EXOC4: variants seen among roughly 807,000 people sequenced by gnomAD.
EXOC4 encodes SEC8-like 1.
Under a neutral mutation model 107.2 loss-of-function variants are expected in EXOC4, and 71 were observed. The ratio of observed to expected loss-of-function variants is 0.66; its 90% CI spans 0.55 to 0.81. The LOEUF (loss-of-function observed/expected upper bound fraction) is 0.81, where lower values mean the gene tolerates loss of function less well. Ranked by LOEUF, EXOC4 falls within the 30% of genes least tolerant of loss-of-function variation. The pLI, the probability that EXOC4 is intolerant of heterozygous loss-of-function variation, is 0.00. For missense variants in EXOC4, 1,108 were observed against 1,189.6 expected, an observed-to-expected ratio of 0.93 and a Z score of 1.01; for synonymous variants, 456 against 441.2, an observed-to-expected ratio of 1.03 and a Z score of -0.42.
At chr7:133,871,329 A>G (rs572709139) in intron 11 of EXOC4, among the ~76,000 whole-genome samples, 62 of 151,880 alleles carry the variant, frequency 4.1e-4, no homozygotes, top group Non-Finnish European at 1.2e-4. Context: ...ACCAAACACC[A>G]CAAACCAGGA....
At chr7:133,421,012 T>C (rs1191275227) in intron 7 of EXOC4, among the ~76,000 whole-genome samples, 1 of 151,688 alleles carries the variant, frequency 6.6e-6, no homozygotes, top group East Asian at 1.9e-4. Context: ...ATTTTGATGA[T>C]AGGGGTTGGT....
chr7:133,692,637 C>T (rs1449628281), intron 10 of EXOC4, among the ~76,000 whole-genome samples: 1 of 152,162 alleles, frequency 6.6e-6, no homozygotes, highest in East Asian at 1.9e-4. Context: ...TCTGGATTGC[C>T]AGTTGTGAGA....
At chr7:133,794,542 T>A (rs925262898) in intron 10 of EXOC4, among the ~76,000 whole-genome samples, 3 of 152,226 alleles carry the variant, frequency 2.0e-5, no homozygotes, top group African/African-American at 7.2e-5. Flanking sequence ...GAACTTTAGT[T>A]ACTAGGCTAT....
chr7:134,055,073 T>A (rs117941614), intron 17 of EXOC4, among the ~76,000 whole-genome samples: 7,143 of 152,278 alleles, frequency 0.047, 268 homozygotes, highest in Non-Finnish European at 0.066. Context: ...ACCTGCTGAT[T>A]TACATATGTT....
chr7:133,416,655 A>G (rs1797481485), intron 7 of EXOC4, among the ~76,000 whole-genome samples: 2 of 152,210 alleles, frequency 1.3e-5, no homozygotes, highest in Admixed American at 1.3e-4. Flanking sequence ...ATGATCGGTC[A>G]ATCTTAGTAT....
At chr7:133,770,002 A>G (rs1308620907) in intron 10 of EXOC4, among the ~76,000 whole-genome samples, 1 of 151,890 alleles carries the variant, frequency 6.6e-6, no homozygotes, top group East Asian at 1.9e-4. Flanking sequence ...CAAATTATGT[A>G]TTAGGAAAGA....
intron 11 of EXOC4, among the ~76,000 whole-genome samples, chr7:133,877,707 G>A (rs1270525911): frequency 6.6e-6 from 1 of 151,608 alleles, no homozygotes; most frequent in South Asian, 2.1e-4. Flanking sequence ...GTACTTGGCC[G>A]AAGGTTCTAC....
chr7:133,683,649 A>G (rs1794234498), intron 10 of EXOC4, among the ~76,000 whole-genome samples: 1 of 152,170 alleles, frequency 6.6e-6, no homozygotes, highest in Non-Finnish European at 1.5e-5. Context: ...CTAAAAATAA[A>G]ACAAGAAAAG....
chr7:133,396,424 G>T (rs1251370351), intron 7 of EXOC4: 1 of 152,166 alleles, frequency 6.6e-6, no homozygotes, highest in African/African-American at 2.4e-5. Flanking sequence ...GGTAAGCAGT[G>T]AACCAGGCTT....
chr7:133,527,859 G>A (rs983903516), intron 9 of EXOC4, among the ~76,000 whole-genome samples: 6 of 152,318 alleles, frequency 3.9e-5, no homozygotes, highest in African/African-American at 1.2e-4. Context: ...GTTTGTGTGT[G>A]AGAGTGTGAT....
At chr7:133,890,749 T>C in intron 11 of EXOC4, among the ~76,000 whole-genome samples, 1 of 27,290 alleles carries the variant, frequency 3.7e-5, no homozygotes, top group Non-Finnish European at 6.3e-5. Context: ...TGCGGCGTTA[T>C]TTCTGAGGGC....
intron 9 of EXOC4, among the ~76,000 whole-genome samples, chr7:133,615,988 A>G (rs1309162012): frequency 6.6e-6 from 1 of 152,128 alleles, no homozygotes; most frequent in Non-Finnish European, 1.5e-5. Context: ...ACTGTTTTTG[A>G]TCAGTCAAAC....
chr7:133,524,932 A>G (rs899936210), intron 9 of EXOC4, among the ~76,000 whole-genome samples: 11 of 152,194 alleles, frequency 7.2e-5, no homozygotes, highest in African/African-American at 2.7e-4. Context: ...TAGAGATCCA[A>G]GCATACCTGA....
chr7:134,014,351 C>T (rs558068206), intron 17 of EXOC4, among the ~76,000 whole-genome samples: 2 of 152,162 alleles, frequency 1.3e-5, no homozygotes, highest in African/African-American at 4.8e-5. Context: ...TGCAGTCAGC[C>T]GAGATCGTGC....
intron 10 of EXOC4, among the ~76,000 whole-genome samples, chr7:133,791,297 C>T (rs1429369152): frequency 6.6e-6 from 1 of 152,154 alleles, no homozygotes. Flanking sequence ...GATATGGCCA[C>T]AAAACTATGA....
At chr7:133,440,920 TTAA>T (rs1429444613) in intron 7 of EXOC4, among the ~76,000 whole-genome samples, 17 of 152,224 alleles carry the variant, frequency 1.1e-4, no homozygotes, top group South Asian at 1.0e-3. Flanking sequence ...CTTTACTTTC[TTAA>T]TAAAACTTGC....
At chr7:133,472,407 G>A (rs1301878370) in intron 7 of EXOC4, among the ~76,000 whole-genome samples, 1 of 152,192 alleles carries the variant, frequency 6.6e-6, no homozygotes, top group African/African-American at 2.4e-5. Flanking sequence ...CACAAAGGAT[G>A]TGGAAATGTA....
intron 7 of EXOC4, among the ~76,000 whole-genome samples, chr7:133,457,866 C>T (rs1325645660): frequency 6.6e-6 from 1 of 152,060 alleles, no homozygotes; most frequent in Non-Finnish European, 1.5e-5. Context: ...CATCATAGTA[C>T]AGTAGTAGGT....
At chr7:133,302,992 A>T (rs1004809601) in intron 3 of EXOC4, among the ~76,000 whole-genome samples, 1 of 152,190 alleles carries the variant, frequency 6.6e-6, no homozygotes, top group Non-Finnish European at 1.5e-5. Flanking sequence ...ATTTCTAGTA[A>T]ATCTCAAATC....
Sources: gnomAD v4.1 joint callset for allele counts (sites outside exome capture counted in the v4.1 genomes callset) on GRCh38, gnomAD v4.1.1 for gene constraint, MANE v1.5 for transcripts, NCBI Gene and HGNC (gene_info 2026-07-23, HGNC 2026-07-21) for gene names.